Variants in SCAF8 observed in about 807,000 individuals in gnomAD.
The protein encoded by SCAF8 is SR-related and CTD-associated factor 8.
In SCAF8, 23 loss-of-function variants were observed where a neutral mutation model predicts 140.5. The ratio of observed to expected loss-of-function variants is 0.16; its 90% CI spans 0.12 to 0.23. The LOEUF is 0.23. Among genes scored for constraint, SCAF8 ranks in the 10% least tolerant of loss-of-function variants. The pLI is 1.00. For missense variants in SCAF8, 1,397 were observed against 1,555.7 expected (o/e 0.90, Z 1.72); for synonymous variants, 575 against 528.9 (o/e 1.09, Z -1.20).
chr6:154,813,076 AC>A (rs1321544253), intron 12 of SCAF8, among the ~76,000 whole-genome samples: 3 of 151,496 alleles, frequency 2.0e-5, no homozygotes, highest in Non-Finnish European at 4.4e-5. Flanking sequence ...AAGGTGGTTC[AC>A]ACTTCTGTAG....
chr6:154,792,774 A>G (rs1216695801), intron 4 of SCAF8, 49 bp from the exon 5 acceptor site: 3 of 1,367,444 alleles, frequency 2.2e-6, no homozygotes, highest in Non-Finnish European at 3.0e-6. Context: ...TGACTGTACT[A>G]AGGTTTTGAG....
chr6:154,760,824 C>T (rs1782347320), intron 1 of SCAF8, among the ~76,000 whole-genome samples: 1 of 152,088 alleles, frequency 6.6e-6, no homozygotes, highest in Admixed American at 6.5e-5. Flanking sequence ...TGCTCTGTCA[C>T]CCAGGCTGGA....
In SCAF8 at chr6:154,803,552, G is replaced by A. The variant is rs776259350; in HGVS notation, c.792G>A (p.Met264Ile). The A allele has an allele frequency of 3.1e-6, 5 of 1,611,068 alleles. No homozygotes were observed. The highest frequency in any genetic ancestry group is 1.7e-5 in the Admixed American group (1 of 59,930). ...CTCCTTCTTTCCCCCAGAAGTTGAT[G>A]GATAGGTTTGATTTTGGGGAAGACT... ...EQGVSFNKKL[M>I]DRFDFGEDSE... The change falls in exon 8 of 20, where the codon ATG (methionine) becomes ATA (isoleucine). Residue 264 changes from methionine to isoleucine, a missense_variant. Physicochemically the swap from Met to Ile is conservative, Grantham distance 10. Around this residue, in one of 5 missense-constraint regions of SCAF8, gnomAD observed 339 missense variants for 407.5 expected, o/e 0.83. Coordinates refer to ENST00000367178, the MANE Select transcript of SCAF8 (RefSeq NM_014892.5).
At chr6:154,769,887 C>A (rs1776687541) in intron 1 of SCAF8, among the ~76,000 whole-genome samples, 1 of 152,076 alleles carries the variant, frequency 6.6e-6, no homozygotes, top group South Asian at 2.1e-4. Flanking sequence ...TGTTCTTAGA[C>A]CTTATTCTCC....
intron 1 of SCAF8, 61 bp downstream of exon 1, chr6:154,733,991 C>A: frequency 1.4e-6 from 2 of 1,460,112 alleles, no homozygotes; most frequent in Non-Finnish European, 1.8e-6. Flanking sequence ...CTGGTCGAGG[C>A]CGGGGCCCGG....
intron 1 of SCAF8, among the ~76,000 whole-genome samples, chr6:154,741,077 G>T (rs528233960): frequency 6.6e-6 from 1 of 152,274 alleles, no homozygotes; most frequent in Admixed American, 6.5e-5. Flanking sequence ...TAAGTCCATT[G>T]TGAGTTTTAT....
Position 154,820,165 on chromosome 6 carries a change from C to A in SCAF8, c.1636-12C>A. On this transcript the variant is annotated splice_polypyrimidine_tract_variant and intron_variant, in intron 14 of 19. Coordinates refer to ENST00000367178, the MANE Select transcript of SCAF8 (RefSeq NM_014892.5). Reference sequence around the variant, plus strand: ...TATAACCTTTCTTTTTTCCTCTTCCCATTTACAATAGATCGCTTGGGCTTT... The same window carrying A: ...TATAACCTTTCTTTTTTCCTCTTCCAATTTACAATAGATCGCTTGGGCTTT... 6.4e-7 allele frequency: 1 copy of A among 1,559,940 alleles called. No individual in the cohort carries two copies. The highest frequency in any genetic ancestry group is 1.3e-5 in the South Asian group (1 of 79,952).
At chr6:154,745,356 G>T (rs531022137) in intron 1 of SCAF8, among the ~76,000 whole-genome samples, 3 of 152,216 alleles carry the variant, frequency 2.0e-5, no homozygotes, top group South Asian at 4.2e-4. Context: ...CCATTAATAG[G>T]GATGTAGAGC....
rs757180269 is a variant in SCAF8, at chr6:154,832,732, G to T, written c.3153G>T (p.Arg1051=). The change falls in exon 20 of 20, where the codon CGG becomes CGT. Residue 1051 remains arginine, a synonymous_variant. Transcript: ENST00000367178. ...RPIDPREGPG[R]PPLDGRDHFG... The stretch of plus-strand genomic sequence containing the variant: ...TAGATCCAAGAGAAGGTCCTGGACG[G>T]CCTCCACTAGATGGTAGGGATCATT... 1.2e-6 allele frequency: 2 copies of T among 1,613,918 alleles called. No individual in the cohort carries two copies. Among genetic ancestry groups the T allele is most frequent in the Non-Finnish European group, 1.7e-6 (2 of 1,179,980 alleles).
rs993365201 is a variant in SCAF8 at position 154,797,165 on chromosome 6, ATT to A, written c.606+2032_606+2033del. ...GTTTTGTTTTTCATAGTTGTACGTA[ATT>A]TTTTTAAAAACTAACTTTGGCATGC... is the stretch of plus-strand genomic sequence containing the variant. On this transcript the variant is annotated intron_variant, in intron 6 of 19. Transcript: ENST00000367178. 2.5e-4 allele frequency among the ~76,000 whole-genome samples: 36 copies of A among 143,728 alleles called. 1 individual carries two copies. Among genetic ancestry groups the A allele is most frequent in the African/African-American group, 8.8e-4 (36 of 40,970 alleles). The allele number at this position is 143,728 out of a possible 152,430, so 94.3% of individuals were successfully genotyped here. A position where few individuals can be genotyped will look rare whatever the true frequency, so the allele number is the denominator to read the frequency against.
At chr6:154,762,210 C>A (rs1387322094) in intron 1 of SCAF8, among the ~76,000 whole-genome samples, 1 of 152,162 alleles carries the variant, frequency 6.6e-6, no homozygotes, top group Non-Finnish European at 1.5e-5. Context: ...TTCACAGTTT[C>A]CATAGGTCAG....
Position 154,733,854 on chromosome 6 carries a change from GCCGCCGCCTCTT to G in SCAF8, c.-38_-27del, listed in dbSNP as rs550448760. ...CTCGCTCTCCCCACCCAGTGCAGTG[GCCGCCGCCTCTT>G]CCGCCGCCGGGCTCGGGGCCTCCGC... On this transcript the variant is annotated 5_prime_UTR_variant, in exon 1 of 20. Transcript: ENST00000367178. 6.4e-4 allele frequency: 990 copies of G among 1,542,826 alleles called. 8 individuals are homozygous for G. The South Asian group carries it at 0.011, about 17-fold the overall frequency.
chr6:154,831,431 T>C (rs1778730178), intron 19 of SCAF8, among the ~76,000 whole-genome samples: 1 of 152,112 alleles, frequency 6.6e-6, no homozygotes, highest in African/African-American at 2.4e-5. Flanking sequence ...GCACAAAATC[T>C]GTATACTTAT....
At chr6:154,766,962 A>G (rs566564534) in intron 1 of SCAF8, among the ~76,000 whole-genome samples, 2 of 152,252 alleles carry the variant, frequency 1.3e-5, no homozygotes, top group African/African-American at 4.8e-5. Context: ...CCCCAGATCT[A>G]GAGGCTGAAT....
At chr6:154,756,376 A>G (rs1420699026) in intron 1 of SCAF8, among the ~76,000 whole-genome samples, 1 of 152,242 alleles carries the variant, frequency 6.6e-6, no homozygotes, top group African/African-American at 2.4e-5. Flanking sequence ...TTATAATGAT[A>G]TGTATATCAC....
At chr6:154,773,438 A>G (rs1255210221) in intron 1 of SCAF8, among the ~76,000 whole-genome samples, 1 of 152,180 alleles carries the variant, frequency 6.6e-6, no homozygotes, top group African/African-American at 2.4e-5. Context: ...TTGTTTACTC[A>G]TTAGCTGACA....
Position 154,733,939 on chromosome 6 carries a change from G to A in SCAF8, c.30+9G>A, listed in dbSNP as rs1371265501. The stretch of plus-strand genomic sequence containing the variant: ...AGACCTTCAATAGCGAGGTTGGTAT[G>A]GCAGCCGGGTTCCCCTGCTCCTGCC... On this transcript the variant is annotated intron_variant, in intron 1 of 19. Coordinates refer to ENST00000367178, the MANE Select transcript of SCAF8 (RefSeq NM_014892.5). 1.3e-6 allele frequency: 2 copies of A among 1,530,178 alleles called. No individual in the cohort carries two copies. Among genetic ancestry groups the A allele is most frequent in the Admixed American group, 2.4e-5 (1 of 42,216 alleles). The allele number at this position is 1,530,178 out of a possible 1,614,324, so 94.8% of individuals were successfully genotyped here. A position where few individuals can be genotyped will look rare whatever the true frequency, so the allele number is the denominator to read the frequency against.
At chr6:154,752,234 C>T (rs1014583325) in intron 1 of SCAF8, among the ~76,000 whole-genome samples, 10 of 151,964 alleles carry the variant, frequency 6.6e-5, no homozygotes, top group East Asian at 1.9e-4. Context: ...GACAGTTGGC[C>T]GCCAGGAAGG....
At chr6:154,794,172 C>G (rs1360154307) in intron 5 of SCAF8, among the ~76,000 whole-genome samples, 1 of 152,104 alleles carries the variant, frequency 6.6e-6, no homozygotes, top group Non-Finnish European at 1.5e-5. Context: ...CCAAGTAGTC[C>G]TCCTGCCTTG....
Sources: allele counts gnomAD v4.1 joint callset (sites outside exome capture counted in the v4.1 genomes callset), GRCh38; gene constraint gnomAD v4.1.1; regional missense constraint gnomAD v4.1.1; transcripts MANE v1.5; gene names NCBI Gene and HGNC (gene_info 2026-07-23, HGNC 2026-07-21).